The following MS4A13 variants were observed in gnomAD, a reference collection of about 807,000 sequenced individuals.
MS4A13 encodes membrane spanning 4-domains A13.
A neutral mutation model predicts 18.4 loss-of-function variants in MS4A13; 21 were observed. The ratio of observed to expected loss-of-function variants is 1.14; its 90% CI spans 0.81 to 1.64. The LOEUF (loss-of-function observed/expected upper bound fraction) is 1.64, where lower values mean the gene tolerates loss of function less well. Among genes scored for constraint, MS4A13 ranks in the 40% most tolerant of loss-of-function variants. MS4A13 has a pLI of 0.00. For missense variants in MS4A13, 173 were observed against 176.8 expected (o/e 0.98, Z 0.12); for synonymous variants, 62 against 57.2 (o/e 1.08, Z -0.38).
intron 3 of MS4A13, among the ~76,000 whole-genome samples, chr11:60,522,754 T>TA (rs1298328152): frequency 6.6e-6 from 1 of 151,876 alleles, no homozygotes; most frequent in Non-Finnish European, 1.5e-5. Flanking sequence ...TCATAGGTGA[T>TA]AAATGATAAA....
intron 6 of MS4A13, among the ~76,000 whole-genome samples, chr11:60,539,549 T>A (rs2086839604): frequency 6.6e-6 from 1 of 151,422 alleles, no homozygotes; most frequent in Non-Finnish European, 1.5e-5. Context: ...AGAAAAAAAA[T>A]TAAAGAAATA....
At position 60,529,396 on chromosome 11, in the gene MS4A13, T is replaced by C; in HGVS notation, c.338T>C (p.Leu113Pro). ...KLGREVSRIL[L>P]FFYGLEFSIA... is the part of the protein sequence containing the mutation. Reference sequence around the variant, plus strand: ...GGGAGGGAAGTATCACGTATTTTACTGTTCTTCTACGGTTTGGAATTTTCT... The same window carrying C: ...GGGAGGGAAGTATCACGTATTTTACCGTTCTTCTACGGTTTGGAATTTTCT... The change falls in exon 6 of 7, where the codon CTG becomes CCG. Residue 113 changes from leucine (L) to proline (P), a missense_variant. By Grantham distance (98) the Leu-to-Pro change is moderately conservative. Transcript: ENST00000378186. 1.2e-6 allele frequency: 2 copies of C among 1,609,166 alleles called. No individual in the cohort carries two copies. The highest frequency in any genetic ancestry group is 1.7e-6 in the Non-Finnish European group (2 of 1,177,668).
At chr11:60,522,254 A>ATATCTATATATG (rs2086682103) in intron 3 of MS4A13, among the ~76,000 whole-genome samples, 1 of 142,922 alleles carries the variant, frequency 7.0e-6, no homozygotes, top group Admixed American at 7.2e-5. Context: ...ATATATATAG[A>ATATCTATATATG]TATATACACA....
intron 5 of MS4A13, among the ~76,000 whole-genome samples, chr11:60,526,173 A>C (rs771552742): frequency 2.6e-5 from 4 of 152,178 alleles, no homozygotes; most frequent in Non-Finnish European, 5.9e-5. Context: ...CCTGGAGGAC[A>C]GTGATACAAT....
At chr11:60,538,177 T>TTAAAAAAAAAAAAAA (rs60140970) in intron 6 of MS4A13, among the ~76,000 whole-genome samples, 2 of 75,118 alleles carry the variant, frequency 2.7e-5, no homozygotes, top group Non-Finnish European at 6.2e-5. Flanking sequence ...TAAAGTATAA[T>TTAAAAAAAAAAAAAA]AAAAAAAAAA....
In MS4A13 at chr11:60,525,289, A is replaced by AT. The variant is rs769200158; in HGVS notation, c.273dup (p.Asn92Ter). On this transcript the variant is annotated frameshift_variant, in exon 5 of 7. Transcript: ENST00000378186. LOFTEE classifies it high-confidence loss of function. ...ACTCTAACAATAATAGAGTTGTCTC[A>AT]TTTTAATTCTGTGTCATACAGGAAT... The AT allele has an allele frequency of 6.3e-7, 1 of 1,592,428 alleles. No homozygotes were observed. Among genetic ancestry groups the AT allele is most frequent in the Non-Finnish European group, 8.6e-7 (1 of 1,163,380 alleles).
At chr11:60,532,241 T>C (rs1248312185) in intron 6 of MS4A13, among the ~76,000 whole-genome samples, 7 of 152,222 alleles carry the variant, frequency 4.6e-5, no homozygotes, top group Non-Finnish European at 1.0e-4. Flanking sequence ...GGGTGATTTC[T>C]GCATTTCCAT....
chr11:60,520,372 A>C (rs2086665437), intron 3 of MS4A13, among the ~76,000 whole-genome samples: 1 of 152,200 alleles, frequency 6.6e-6, no homozygotes, highest in African/African-American at 2.4e-5. Context: ...CACAGTCCAA[A>C]GTCTCATCTG....
At chr11:60,533,854 T>A in intron 6 of MS4A13, among the ~76,000 whole-genome samples, 1 of 73,666 alleles carries the variant, frequency 1.4e-5, no homozygotes, top group Admixed American at 1.9e-4. Flanking sequence ...CAGAAGAGAG[T>A]GGGGGCCAAT....
chr11:60,541,317 C>T (rs2135274648), intron 6 of MS4A13, among the ~76,000 whole-genome samples: 1 of 152,138 alleles, frequency 6.6e-6, no homozygotes, highest in South Asian at 2.1e-4. Context: ...GATAAACTTC[C>T]AGGAATATAT....
intron 5 of MS4A13, among the ~76,000 whole-genome samples, chr11:60,528,053 G>A (rs756483236): frequency 1.3e-5 from 2 of 152,050 alleles, no homozygotes; most frequent in Admixed American, 6.5e-5. Context: ...ATATATGAAT[G>A]AACACTGTAA....
intron 4 of MS4A13, among the ~76,000 whole-genome samples, chr11:60,524,453 A>C (rs1297862412): frequency 1.3e-5 from 2 of 152,144 alleles, no homozygotes; most frequent in Non-Finnish European, 2.9e-5. Context: ...CTGCCCTCAT[A>C]ATTTTACAGA....
chr11:60,520,453 A>G (rs996781657), intron 3 of MS4A13, among the ~76,000 whole-genome samples: 4 of 152,228 alleles, frequency 2.6e-5, no homozygotes, highest in Admixed American at 6.5e-5. Flanking sequence ...CCTAGATACA[A>G]TGGGGGTACA....
chr11:60,542,389 A>C, intron 6 of MS4A13, 130 bp from the exon 7 acceptor site: 1 of 499,316 alleles, frequency 2.0e-6, no homozygotes, highest in Non-Finnish European at 3.5e-6. Context: ...ATGGGACAGA[A>C]ATAGGATACT....
At chr11:60,522,669 T>C (rs188517275) in intron 3 of MS4A13, among the ~76,000 whole-genome samples, 23 of 152,222 alleles carry the variant, frequency 1.5e-4, no homozygotes, top group Admixed American at 1.4e-3. Context: ...AGAAAAATAT[T>C]GAATTTTTGC....
intron 6 of MS4A13, among the ~76,000 whole-genome samples, chr11:60,529,898 A>T (rs926446573): frequency 6.6e-6 from 1 of 152,174 alleles, no homozygotes; most frequent in African/African-American, 2.4e-5. Context: ...AGTATTTAGC[A>T]TTCCCTAATT....
intron 5 of MS4A13, among the ~76,000 whole-genome samples, chr11:60,527,410 C>CTCTCTCTCTGTGTGTGTGTGTGTG (rs1555024373): frequency 3.5e-5 from 1 of 28,806 alleles, no homozygotes; most frequent in Non-Finnish European, 5.7e-5. Context: ...CTCTCTCTCT[C>CTCTCTCTCTGTGTGTGTGTGTGTG]TGTGTGTGTG....
intron 6 of MS4A13, 23 bp from the exon 7 acceptor site, chr11:60,542,496 G>C: frequency 6.4e-7 from 1 of 1,564,026 alleles, no homozygotes; most frequent in Non-Finnish European, 8.8e-7. Flanking sequence ...GATATGATTT[G>C]TAAGAGGTTA....
intron 6 of MS4A13, among the ~76,000 whole-genome samples, chr11:60,539,244 T>C (rs141108993): frequency 6.7e-6 from 1 of 148,422 alleles, no homozygotes; most frequent in African/African-American, 2.5e-5. Flanking sequence ...AATTATAAGA[T>C]GGCAACAATG....
Sources: allele counts gnomAD v4.1 joint callset (sites outside exome capture counted in the v4.1 genomes callset), GRCh38; gene constraint gnomAD v4.1.1; transcripts MANE v1.5; gene names NCBI Gene and HGNC (gene_info 2026-07-23, HGNC 2026-07-21).